The following CIAO2A variants were observed in gnomAD, a reference collection of about 807,000 sequenced individuals.
The protein encoded by CIAO2A is cytosolic iron-sulfur assembly component 2A.
Under a neutral mutation model 22.4 loss-of-function variants are expected in CIAO2A, and 17 were observed. That is an observed-to-expected ratio of 0.76 (90% CI 0.52 to 1.14). The LOEUF is 1.14. CIAO2A is among the 50% of genes most tolerant of loss of function. The pLI is 0.00. For missense variants in CIAO2A, 192 were observed against 191.4 expected (o/e 1.00, Z -0.02); for synonymous variants, 74 against 72.3 (o/e 1.02, Z -0.12).
intron 1 of CIAO2A, among the ~76,000 whole-genome samples, chr15:64,089,065 C>T (rs995113003): frequency 3.3e-5 from 5 of 152,026 alleles, no homozygotes; most frequent in African/African-American, 4.8e-5. Context: ...TTTCTCCAAT[C>T]GGACATTGCA....
At chr15:64,092,910 A>T (rs1244030979) in intron 1 of CIAO2A, among the ~76,000 whole-genome samples, 1 of 152,262 alleles carries the variant, frequency 6.6e-6, no homozygotes, top group Non-Finnish European at 1.5e-5. Flanking sequence ...AAAGTGCATT[A>T]CGGTTAGAAC....
intron 3 of CIAO2A, among the ~76,000 whole-genome samples, chr15:64,076,829 A>G (rs2080721395): frequency 6.8e-6 from 1 of 147,724 alleles, no homozygotes. Context: ...GGCTCAGGTG[A>G]TCCTCCCACC....
intron 2 of CIAO2A, among the ~76,000 whole-genome samples, chr15:64,085,159 G>C (rs549956049): frequency 1.3e-5 from 2 of 152,270 alleles, no homozygotes; most frequent in Non-Finnish European, 2.9e-5. Flanking sequence ...AATTGCAAAA[G>C]GCTAGAAGTA....
rs779252477 is a variant in CIAO2A, at chr15:64,088,809, A to G, written c.167T>C (p.Leu56Ser). 2.5e-6 allele frequency: 4 copies of G among 1,613,972 alleles called. No homozygotes were observed. Among genetic ancestry groups the G allele is most frequent in the South Asian group, 1.1e-5 (1 of 91,042 alleles). Residue 56 changes from leucine to serine, a missense_variant, in exon 2 of 5, where the codon TTA (leucine) becomes TCA (serine). Leu to Ser is a moderately radical substitution (Grantham distance 145, BLOSUM62 -2). Transcript: ENST00000300030. ...TIRDPEKPNT[L>S]EELEVVSESC... ...TTCCGAGACCACTTCCAGTTCTTCT[A>G]AAGTATTGGGCTTTTCTGGGTCCCG...
intron 2 of CIAO2A, among the ~76,000 whole-genome samples, chr15:64,086,064 A>T (rs2080792059): frequency 6.6e-6 from 1 of 151,850 alleles, no homozygotes; most frequent in Non-Finnish European, 1.5e-5. Flanking sequence ...TATCAAAATT[A>T]CTGCCAATAA....
chr15:64,091,304 G>A (rs933948006), intron 1 of CIAO2A, among the ~76,000 whole-genome samples: 3 of 152,016 alleles, frequency 2.0e-5, no homozygotes, highest in African/African-American at 7.3e-5. Context: ...GGCCAACATG[G>A]CAAAAACCCG....
At chr15:64,075,455 G>A (rs754756233) in intron 4 of CIAO2A, 37 bp downstream of exon 4, 2 of 1,360,510 alleles carry the variant, frequency 1.5e-6, no homozygotes, top group Admixed American at 2.1e-5. Flanking sequence ...AATACTATCT[G>A]AAGTTGTTTT....
At chr15:64,084,225 T>C (rs767071477) in intron 2 of CIAO2A, among the ~76,000 whole-genome samples, 1 of 152,140 alleles carries the variant, frequency 6.6e-6, no homozygotes, top group Non-Finnish European at 1.5e-5. Context: ...GATTGCTGGT[T>C]TCAAACTCCT....
At chr15:64,083,527 G>T (rs916938080) in intron 2 of CIAO2A, among the ~76,000 whole-genome samples, 2 of 152,150 alleles carry the variant, frequency 1.3e-5, no homozygotes, top group Non-Finnish European at 2.9e-5. Flanking sequence ...ACCTTTCCAG[G>T]CTAGGACTAC....
chr15:64,088,783 T>A lies in CIAO2A; in HGVS notation c.193A>T (p.Ser65Cys), dbSNP rs751259047. Reference sequence around the variant, plus strand: ...TTTATCTCCTGAACTTCCACACAACTTTCCGAGACCACTTCCAGTTCTTCT... The same window carrying A: ...TTTATCTCCTGAACTTCCACACAACATTCCGAGACCACTTCCAGTTCTTCT... ...TLEELEVVSE[S>C]CVEVQEINEE... The change falls in exon 2 of 5, where the codon AGT becomes TGT. Residue 65 changes from serine (S) to cysteine (C), a missense_variant. By Grantham distance (112) the Ser-to-Cys change is moderately radical (BLOSUM62 -1). Coordinates refer to ENST00000300030, the MANE Select transcript of CIAO2A (RefSeq NM_032231.7). 1.2e-6 allele frequency: 2 copies of A among 1,613,996 alleles called. No individual in the cohort carries two copies. The highest frequency in any genetic ancestry group is 2.7e-5 in the African/African-American group (2 of 74,938).
chr15:64,074,039 A>G (rs2080696269), intron 4 of CIAO2A, among the ~76,000 whole-genome samples: 1 of 152,196 alleles, frequency 6.6e-6, no homozygotes, highest in African/African-American at 2.4e-5. Flanking sequence ...CCATGTGCAT[A>G]TATTAGTTCT....
chr15:64,085,888 T>C (rs957953864), intron 2 of CIAO2A, among the ~76,000 whole-genome samples: 1 of 151,726 alleles, frequency 6.6e-6, no homozygotes, highest in African/African-American at 2.4e-5. Context: ...TTTTGCATTT[T>C]TGGTAGAGAC....
intron 1 of CIAO2A, among the ~76,000 whole-genome samples, chr15:64,089,997 C>G (rs2080827332): frequency 6.6e-6 from 1 of 152,096 alleles, no homozygotes; most frequent in Admixed American, 6.6e-5. Flanking sequence ...ACAGGATTCA[C>G]AAAGAATAAG....
At chr15:64,083,962 T>A (rs529580350) in intron 2 of CIAO2A, among the ~76,000 whole-genome samples, 5 of 151,296 alleles carry the variant, frequency 3.3e-5, no homozygotes, top group Admixed American at 1.3e-4. Flanking sequence ...TAAAATAAAA[T>A]AAAATAAAAA....
intron 1 of CIAO2A, among the ~76,000 whole-genome samples, chr15:64,091,861 C>A (rs1288296514): frequency 1.3e-5 from 2 of 151,942 alleles, no homozygotes; most frequent in Non-Finnish European, 2.9e-5. Flanking sequence ...GAGTCCAAGA[C>A]CAGCCTGGGT....
At chr15:64,074,795 C>G (rs2080704388) in intron 4 of CIAO2A, 1 of 152,092 alleles carries the variant, frequency 6.6e-6, no homozygotes, top group African/African-American at 2.4e-5. Flanking sequence ...TGTTGCTCTT[C>G]CTCTATTAGC....
intron 3 of CIAO2A, among the ~76,000 whole-genome samples, chr15:64,078,287 G>T (rs2080733493): frequency 6.6e-6 from 1 of 152,124 alleles, no homozygotes; most frequent in African/African-American, 2.4e-5. Flanking sequence ...ATATGTATAA[G>T]ATCATAGCAG....
At chr15:64,080,701 A>G (rs2080753490) in intron 3 of CIAO2A, among the ~76,000 whole-genome samples, 1 of 151,910 alleles carries the variant, frequency 6.6e-6, no homozygotes, top group African/African-American at 2.4e-5. Context: ...ACAAAAAACC[A>G]TCACTTCACA....
intron 3 of CIAO2A, among the ~76,000 whole-genome samples, chr15:64,077,013 T>C (rs3099731): frequency 1 from 152,311 of 152,314 alleles, 76,154 homozygotes; most frequent in Non-Finnish European, 1. Flanking sequence ...GCCCCAATTT[T>C]TTTTAAAAAA....
Sources: gnomAD v4.1 joint callset for allele counts (sites outside exome capture counted in the v4.1 genomes callset) on GRCh38, gnomAD v4.1.1 for gene constraint, MANE v1.5 for transcripts, NCBI Gene and HGNC (gene_info 2026-07-23, HGNC 2026-07-21) for gene names.